Variants in MREG observed in about 807,000 individuals in gnomAD.
MREG encodes melanoregulin.
MREG carries 31 observed loss-of-function variants against 28.5 expected under a neutral mutation model. That is an observed-to-expected ratio of 1.09 (90% CI 0.82 to 1.47). The LOEUF (loss-of-function observed/expected upper bound fraction) is 1.47. Ranked by LOEUF, MREG falls within the 40% of genes most tolerant of loss-of-function variation. The probability of loss-of-function intolerance (pLI) is 0.00; values close to 1 mark genes in which losing one functional copy is unlikely to be tolerated. For missense variants in MREG, 256 were observed against 257.4 expected, an observed-to-expected ratio of 0.99 and a Z score of 0.04; for synonymous variants, 106 against 95.2, an observed-to-expected ratio of 1.11 and a Z score of -0.66.
intron 2 of MREG, among the ~76,000 whole-genome samples, chr2:215,978,069 C>T (rs1693307277): frequency 6.6e-6 from 1 of 151,978 alleles, no homozygotes; most frequent in Non-Finnish European, 1.5e-5. Flanking sequence ...CAAAAAAACC[C>T]TTCAAAAAAT....
chr2:215,987,231 T>C (rs1559188039), intron 2 of MREG, among the ~76,000 whole-genome samples: 1 of 151,988 alleles, frequency 6.6e-6, no homozygotes, highest in Non-Finnish European at 1.5e-5. Context: ...TTTCAACATT[T>C]TAGAAGAAAA....
At position 215,980,099 on chromosome 2, in the gene MREG, G is replaced by A. The variant is rs191726333; in HGVS notation, c.255+16207C>T. Among the ~76,000 whole-genome samples the A allele has an allele frequency of 3.4e-4, 51 of 152,110 alleles. 1 individual carries two copies. Among genetic ancestry groups the A allele is most frequent in the Non-Finnish European group, 1.6e-4 (11 of 68,012 alleles). ...ATTTTGACCATCACAAGCACAATAC[G>A]CAGGAAATGCAGAGGTGCAGCAATG... On this transcript the variant is annotated intron_variant, in intron 2 of 4. Coordinates refer to ENST00000263268, the MANE Select transcript of MREG (RefSeq NM_018000.3).
chr2:216,018,810 C>A (rs778473144), intron 1 of MREG, among the ~76,000 whole-genome samples: 1 of 152,294 alleles, frequency 6.6e-6, no homozygotes, highest in Non-Finnish European at 1.5e-5. Context: ...GTTTTGTTTT[C>A]CTTTGAAGAA....
At chr2:215,957,383 A>G (rs1391617867) in intron 2 of MREG, among the ~76,000 whole-genome samples, 2 of 152,124 alleles carry the variant, frequency 1.3e-5, no homozygotes, top group Non-Finnish European at 2.9e-5. Flanking sequence ...TCCTCCTCAG[A>G]GCCAGTGGCA....
chr2:215,977,524 G>A (rs1693295161), intron 2 of MREG, among the ~76,000 whole-genome samples: 1 of 152,152 alleles, frequency 6.6e-6, no homozygotes, highest in South Asian at 2.1e-4. Context: ...TTTGCAGCAA[G>A]CTGACCTAAT....
At chr2:215,954,516 T>C (rs375242852) in intron 2 of MREG, among the ~76,000 whole-genome samples, 28 of 149,168 alleles carry the variant, frequency 1.9e-4, no homozygotes, top group East Asian at 9.9e-4. Flanking sequence ...TCAAATGTTA[T>C]AGATGACACT....
At chr2:215,963,180 C>T (rs188136822) in intron 2 of MREG, among the ~76,000 whole-genome samples, 1 of 152,188 alleles carries the variant, frequency 6.6e-6, no homozygotes, top group African/African-American at 2.4e-5. Context: ...TTTATATTGG[C>T]CAGGTGACGT....
chr2:215,970,758 G>A (rs1421182101), intron 2 of MREG, among the ~76,000 whole-genome samples: 1 of 152,192 alleles, frequency 6.6e-6, no homozygotes, highest in Non-Finnish European at 1.5e-5. Flanking sequence ...ACACGAGAAA[G>A]CACGCTGCAA....
chr2:215,956,957 G>C (rs952344101), intron 2 of MREG, among the ~76,000 whole-genome samples: 2 of 152,106 alleles, frequency 1.3e-5, no homozygotes, highest in African/African-American at 4.8e-5. Flanking sequence ...TTAAGATGAG[G>C]AAACTGAGAC....
At chr2:215,956,606 A>T (rs1186964502) in intron 2 of MREG, among the ~76,000 whole-genome samples, 1 of 152,128 alleles carries the variant, frequency 6.6e-6, no homozygotes, top group Non-Finnish European at 1.5e-5. Context: ...TGGCATGATC[A>T]TGGCTCACTG....
intron 2 of MREG, among the ~76,000 whole-genome samples, chr2:215,976,388 C>G (rs1297768364): frequency 6.6e-6 from 1 of 152,186 alleles, no homozygotes; most frequent in Non-Finnish European, 1.5e-5. Context: ...TGCTTTGATT[C>G]CACATTCTGC....
intron 1 of MREG, among the ~76,000 whole-genome samples, chr2:216,018,755 G>T (rs1340343652): frequency 6.6e-6 from 1 of 152,156 alleles, no homozygotes; most frequent in Non-Finnish European, 1.5e-5. Flanking sequence ...AGAGTCTGTT[G>T]TTTCTACCTG....
intron 1 of MREG, among the ~76,000 whole-genome samples, chr2:216,023,379 G>A (rs112985866): frequency 1.3e-5 from 2 of 152,182 alleles, no homozygotes; most frequent in African/African-American, 4.8e-5. Context: ...AGCTTAAAGG[G>A]ACATAGTAAT....
At chr2:215,994,292 C>T (rs1195950894) in intron 2 of MREG, among the ~76,000 whole-genome samples, 1 of 151,754 alleles carries the variant, frequency 6.6e-6, no homozygotes, top group Non-Finnish European at 1.5e-5. Context: ...AACCATCATT[C>T]TCAGCAAACT....
intron 2 of MREG, among the ~76,000 whole-genome samples, chr2:215,975,008 T>TTTTATATATATATA (rs143806765): frequency 2.8e-5 from 3 of 106,608 alleles, no homozygotes; most frequent in Non-Finnish European, 3.9e-5. Context: ...TTTATATGAA[T>TTTTATATATATATA]TATATATATA....
intron 1 of MREG, among the ~76,000 whole-genome samples, chr2:216,030,296 A>AG (rs1351781423): frequency 2.6e-5 from 4 of 152,212 alleles, no homozygotes; most frequent in Non-Finnish European, 5.9e-5. Context: ...CTCTCAGTAC[A>AG]GGGCAGGGGT....
At chr2:215,979,285 G>A (rs1184587388) in intron 2 of MREG, among the ~76,000 whole-genome samples, 3 of 151,856 alleles carry the variant, frequency 2.0e-5, no homozygotes, top group Non-Finnish European at 4.4e-5. Flanking sequence ...CCAACATGGA[G>A]AAACCCCATC....
At chr2:216,018,742 T>C (rs1419475328) in intron 1 of MREG, among the ~76,000 whole-genome samples, 3 of 152,326 alleles carry the variant, frequency 2.0e-5, no homozygotes, top group East Asian at 1.9e-4. Context: ...CAAGGGTCCT[T>C]ATAGAGTCTG....
intron 1 of MREG, among the ~76,000 whole-genome samples, chr2:215,997,937 C>G (rs983713554): frequency 2.0e-5 from 3 of 152,206 alleles, no homozygotes; most frequent in Non-Finnish European, 4.4e-5. Flanking sequence ...GCAGCAGGAA[C>G]CCACCCAGCT....
Sources: allele counts gnomAD v4.1 joint callset (sites outside exome capture counted in the v4.1 genomes callset), GRCh38; gene constraint gnomAD v4.1.1; transcripts MANE v1.5; gene names NCBI Gene and HGNC (gene_info 2026-07-23, HGNC 2026-07-21).